Variants in RPS6KA2 observed in about 807,000 individuals in gnomAD.
RPS6KA2 encodes ribosomal protein S6 kinase alpha-2.
Under a neutral mutation model 91.8 loss-of-function variants are expected in RPS6KA2, and 42 were observed. The ratio of observed to expected loss-of-function variants is 0.46; its 90% confidence interval spans 0.36 to 0.59. The LOEUF (loss-of-function observed/expected upper bound fraction) is 0.59. Among genes scored for constraint, RPS6KA2 ranks in the 20% least tolerant of loss-of-function variants. The probability of loss-of-function intolerance (pLI) is 0.00; values close to 1 mark genes in which losing one functional copy is unlikely to be tolerated. For missense variants in RPS6KA2, 798 were observed against 978.5 expected, an observed-to-expected ratio of 0.82 and a Z score of 2.46; for synonymous variants, 414 against 393.6, an observed-to-expected ratio of 1.05 and a Z score of -0.61.
At chr6:166,627,263 C>G (rs1342067269), upstream of RPS6KA2, 3 of 1,006,022 alleles carry the variant, frequency 3.0e-6, no homozygotes, top group Middle Eastern at 4.8e-4. Flanking sequence ...CCAGCGCCGG[C>G]CACGCGCCAC....
At position 166,770,861 on chromosome 6, in the gene RPS6KA2, A is replaced by C; in HGVS notation, c.123+87339T>G. 1 of 1,594,570 alleles carries C rather than the reference A, an allele frequency of 6.3e-7. No homozygotes were observed. Among genetic ancestry groups the C allele is most frequent in the Non-Finnish European group, 8.5e-7 (1 of 1,178,904 alleles). On this transcript the variant is annotated intron_variant, in intron 2 of 21. Transcript: ENST00000503859. This position sits in a 1 kb window ranked among gnomAD's most constrained non-coding sequence, Gnocchi z 5.1. ...AAACAAACCCACAGGAACGCTTCTT[A>C]CCTCTACGGATCCAGCTACCTTTGT...
chr6:166,771,939 C>T (rs1271744609), intron 2 of RPS6KA2, among the ~76,000 whole-genome samples: 6 of 152,202 alleles, frequency 3.9e-5, no homozygotes, highest in African/African-American at 9.7e-5. Context: ...TGCCCATTCT[C>T]GCCTCAGCCT....
chr6:166,604,490 G>A (rs1476211277), intron 1 of RPS6KA2, among the ~76,000 whole-genome samples: 4 of 152,186 alleles, frequency 2.6e-5, no homozygotes, highest in East Asian at 1.9e-4. Context: ...TGAAGTTGCC[G>A]GAGCTGGGTT....
At chr6:166,790,587 G>A (rs879644567) in intron 2 of RPS6KA2, among the ~76,000 whole-genome samples, 7 of 152,060 alleles carry the variant, frequency 4.6e-5, no homozygotes, top group Non-Finnish European at 8.8e-5. Context: ...TGAAATGAAG[G>A]AAAAAATGTT....
In RPS6KA2 at chr6:166,666,905, G is replaced by A. The variant is rs962291957; in HGVS notation, c.124-128121C>T. Among the ~76,000 whole-genome samples, 17 of 152,294 alleles carry A rather than the reference G, an allele frequency of 1.1e-4. No homozygotes were observed. Among genetic ancestry groups the A allele is most frequent in the African/African-American group, 3.6e-4 (15 of 41,562 alleles). On this transcript the variant is annotated intron_variant, in intron 2 of 21. Transcript: ENST00000503859. This position sits in a 1 kb window ranked among gnomAD's most constrained non-coding sequence, Gnocchi z 4.0. Reference sequence around the variant, plus strand: ...GGTGGATGGATGGGTAGCAGAGTGCGGTGTAGGCACACAATGGAAGGAAAT... The same window carrying A: ...GGTGGATGGATGGGTAGCAGAGTGCAGTGTAGGCACACAATGGAAGGAAAT...
intron 3 of RPS6KA2, among the ~76,000 whole-genome samples, chr6:166,511,104 T>A (rs1430979189): frequency 6.6e-6 from 1 of 152,214 alleles, no homozygotes; most frequent in Non-Finnish European, 1.5e-5. Context: ...AGGGGGTGCC[T>A]GCTGGGCTCA....
At chr6:166,550,495 C>G (rs978210331) in intron 1 of RPS6KA2, among the ~76,000 whole-genome samples, 1 of 152,120 alleles carries the variant, frequency 6.6e-6, no homozygotes, top group Non-Finnish European at 1.5e-5. Context: ...TTTTTATACT[C>G]AACACACAGA....
intron 2 of RPS6KA2, among the ~76,000 whole-genome samples, chr6:166,775,686 C>T (rs534471471): frequency 1.3e-5 from 2 of 152,356 alleles, no homozygotes; most frequent in South Asian, 2.1e-4. Context: ...GCCAAGAAAC[C>T]GTCTCTTTCA....
chr6:166,469,184 T>G, intron 11 of RPS6KA2, among the ~76,000 whole-genome samples: 1 of 152,150 alleles, frequency 6.6e-6, no homozygotes. Context: ...AAATAGGCAA[T>G]TGACACTTGT....
At chr6:166,467,521 A>G (rs532160525) in intron 11 of RPS6KA2, among the ~76,000 whole-genome samples, 2 of 152,208 alleles carry the variant, frequency 1.3e-5, no homozygotes, top group African/African-American at 4.8e-5. Flanking sequence ...GTCTCATAAG[A>G]TGACACTGAA....
chr6:166,449,629 T>C (rs1056037868), intron 13 of RPS6KA2, among the ~76,000 whole-genome samples: 9 of 152,148 alleles, frequency 5.9e-5, no homozygotes, highest in African/African-American at 2.2e-4. Context: ...CTGGCTGGGC[T>C]CCACACAGTG....
intron 8 of RPS6KA2, among the ~76,000 whole-genome samples, chr6:166,491,973 T>C (rs1361283484): frequency 6.6e-6 from 1 of 152,200 alleles, no homozygotes; most frequent in Non-Finnish European, 1.5e-5. Flanking sequence ...GTGAGTGTAT[T>C]TGTTGCTGTA....
intron 2 of RPS6KA2, among the ~76,000 whole-genome samples, chr6:166,709,084 C>A (rs1027426385): frequency 6.6e-6 from 1 of 152,194 alleles, no homozygotes; most frequent in South Asian, 2.1e-4. Flanking sequence ...CGGGTACTAT[C>A]GGCTTGTTTT....
chr6:166,599,150 T>G (rs753768832), intron 1 of RPS6KA2, among the ~76,000 whole-genome samples: 1 of 152,214 alleles, frequency 6.6e-6, no homozygotes, highest in African/African-American at 2.4e-5. Flanking sequence ...ACTGGATTGG[T>G]ATCAAGGACT....
At chr6:166,467,263 G>A (rs1562514330) in intron 11 of RPS6KA2, among the ~76,000 whole-genome samples, 2 of 152,116 alleles carry the variant, frequency 1.3e-5, no homozygotes, top group Non-Finnish European at 2.9e-5. Context: ...CACTCACTCA[G>A]TAGGGATTCA....
chr6:166,607,478 C>T (rs112219266), intron 1 of RPS6KA2, among the ~76,000 whole-genome samples: 8 of 152,276 alleles, frequency 5.3e-5, no homozygotes, highest in Admixed American at 2.0e-4. Context: ...TGCTACAACA[C>T]GAACGAACCT....
At chr6:166,451,041 CAG>C (rs1779894195) in intron 13 of RPS6KA2, 60 bp downstream of exon 13, 16 of 1,603,290 alleles carry the variant, frequency 1.0e-5, no homozygotes, top group East Asian at 2.2e-5. Context: ...CAGGGAACAC[CAG>C]AGTCACCCAT....
chr6:166,478,742 C>T (rs1034990546), intron 10 of RPS6KA2, among the ~76,000 whole-genome samples: 2 of 152,158 alleles, frequency 1.3e-5, no homozygotes, highest in African/African-American at 4.8e-5. Flanking sequence ...GGGTTGGACA[C>T]CCTTCCCGGC....
At chr6:166,813,376 T>C (rs9457223) in intron 2 of RPS6KA2, among the ~76,000 whole-genome samples, 20,314 of 152,204 alleles carry the variant, frequency 0.13, 1,718 homozygotes, top group Middle Eastern at 0.19. Context: ...CAACTGTAGA[T>C]TTGATTATGT....
Sources: gnomAD v4.1 joint callset for allele counts (sites outside exome capture counted in the v4.1 genomes callset) on GRCh38, gnomAD v4.1.1 for gene constraint, Gnocchi (gnomAD v3.1) non-coding constraint, MANE v1.5 for transcripts, NCBI Gene and HGNC (gene_info 2026-07-23, HGNC 2026-07-21) for gene names.